CCDC91: variants seen among roughly 807,000 people sequenced by gnomAD.
CCDC91 encodes coiled-coil domain-containing protein 91.
CCDC91 carries 48 observed loss-of-function variants against 63.2 expected under a neutral mutation model. That is an observed-to-expected ratio of 0.76 (90% CI 0.60 to 0.97). CCDC91 has a LOEUF of 0.97. Among genes scored for constraint, CCDC91 ranks in the 50% least tolerant of loss-of-function variants. The probability of loss-of-function intolerance (pLI) is 0.00; values close to 1 mark genes in which losing one functional copy is unlikely to be tolerated. For synonymous variants in CCDC91, 167 were observed against 165.8 expected (o/e 1.01, Z -0.06); for missense variants, 500 against 494.6 (o/e 1.01, Z -0.10).
intron 12 of CCDC91, among the ~76,000 whole-genome samples, chr12:28,514,581 G>T (rs1280169925): frequency 1.3e-5 from 2 of 151,838 alleles, no homozygotes; most frequent in East Asian, 3.9e-4. Context: ...GTCCAGAATG[G>T]TATTGCCTAG....
intron 12 of CCDC91, among the ~76,000 whole-genome samples, chr12:28,523,197 G>T (rs1256918682): frequency 1.3e-5 from 2 of 152,092 alleles, no homozygotes; most frequent in Non-Finnish European, 2.9e-5. Context: ...CATTATTATT[G>T]TGTGGGAGTC....
chr12:28,398,612 A>G (rs543852332), intron 8 of CCDC91, among the ~76,000 whole-genome samples: 2 of 152,280 alleles, frequency 1.3e-5, no homozygotes, highest in Admixed American at 6.5e-5. Context: ...AAGTTTTATT[A>G]TATTTGACAT....
chr12:28,496,960 A>G (rs1258720966), intron 12 of CCDC91, among the ~76,000 whole-genome samples: 2 of 146,696 alleles, frequency 1.4e-5, no homozygotes, highest in Non-Finnish European at 3.0e-5. Context: ...ATATATATAT[A>G]TGTAGGATTT....
At chr12:28,315,728 A>G (rs1207743614) in intron 6 of CCDC91, among the ~76,000 whole-genome samples, 6 of 152,084 alleles carry the variant, frequency 3.9e-5, no homozygotes, top group Admixed American at 3.3e-4. Context: ...TAGTAAATAA[A>G]GATATATAGT....
intron 3 of CCDC91, among the ~76,000 whole-genome samples, chr12:28,271,662 C>T (rs1947774564): frequency 6.6e-6 from 1 of 151,890 alleles, no homozygotes; most frequent in Non-Finnish European, 1.5e-5. Context: ...GTTATGTACT[C>T]TGCTTCTTTT....
intron 11 of CCDC91, among the ~76,000 whole-genome samples, chr12:28,463,028 C>T (rs1416546761): frequency 6.6e-6 from 1 of 152,146 alleles, no homozygotes; most frequent in African/African-American, 2.4e-5. Flanking sequence ...TTCCTATATA[C>T]ATGACATGAG....
Position 28,411,463 on chromosome 12 carries a change from G to A in CCDC91, c.762+20052G>A, listed in dbSNP as rs118126429. ...AAGATTTAACAGATGATTTTATTGT[G>A]AGATATATGCTCCAGATCTATTATG... On this transcript the variant is annotated intron_variant, in intron 8 of 12. Transcript: ENST00000536442. Among the ~76,000 whole-genome samples the A allele has an allele frequency of 5.6e-3, 848 of 152,248 alleles. 26 individuals are homozygous for A. Among genetic ancestry groups the A allele is most frequent in the Admixed American group, 0.044 (671 of 15,284 alleles).
intron 1 of CCDC91, among the ~76,000 whole-genome samples, chr12:28,246,557 G>A (rs185877990): frequency 3.3e-5 from 5 of 152,222 alleles, no homozygotes; most frequent in Non-Finnish European, 7.4e-5. Context: ...TCCCATAGAG[G>A]CATGGATTTG....
intron 12 of CCDC91, among the ~76,000 whole-genome samples, chr12:28,496,721 G>A (rs1317180029): frequency 1.3e-5 from 2 of 151,152 alleles, no homozygotes; most frequent in Admixed American, 6.6e-5. Flanking sequence ...TTGCAGCTTG[G>A]CCACCATAAT....
intron 7 of CCDC91, among the ~76,000 whole-genome samples, chr12:28,389,585 T>C (rs904881505): frequency 1.6e-4 from 24 of 152,088 alleles, no homozygotes; most frequent in African/African-American, 5.6e-4. Context: ...GAATATTATT[T>C]TATTTTATTA....
intron 1 of CCDC91, among the ~76,000 whole-genome samples, chr12:28,237,798 C>T (rs1358472295): frequency 6.6e-6 from 1 of 152,204 alleles, no homozygotes. Context: ...TTTGAAATCA[C>T]TGAAATATTT....
intron 1 of CCDC91, among the ~76,000 whole-genome samples, chr12:28,202,801 C>A (rs11610011): frequency 6.6e-6 from 1 of 152,174 alleles, no homozygotes; most frequent in Non-Finnish European, 1.5e-5. Flanking sequence ...ATCAAAATCC[C>A]CTATTGACAT....
At chr12:28,276,111 G>A (rs916035816) in intron 3 of CCDC91, among the ~76,000 whole-genome samples, 10 of 151,940 alleles carry the variant, frequency 6.6e-5, no homozygotes, top group African/African-American at 2.4e-4. Context: ...TTTTTTCTTA[G>A]ATCCATGACC....
At chr12:28,299,868 A>G (rs1028839981) in intron 3 of CCDC91, among the ~76,000 whole-genome samples, 11 of 150,330 alleles carry the variant, frequency 7.3e-5, no homozygotes, top group African/African-American at 2.4e-4. Context: ...TAGGTTTTAA[A>G]TGTTCTTTAT....
chr12:28,304,725 A>C (rs115756933), intron 3 of CCDC91: 6 of 1,104,766 alleles, frequency 5.4e-6, no homozygotes, highest in Admixed American at 5.0e-5. Flanking sequence ...TTTATAGTTT[A>C]GAAAGTTAAA....
chr12:28,452,599 A>G lies in CCDC91; in HGVS notation c.1046A>G (p.Glu349Gly), dbSNP rs1362865324. The G allele has an allele frequency of 1.9e-6, 3 of 1,580,426 alleles. No individual in the cohort carries two copies. The highest frequency in any genetic ancestry group is 2.6e-6 in the Non-Finnish European group (3 of 1,164,618). Residue 349 changes from glutamate to glycine, a missense_variant, in exon 11 of 13, where the codon GAA becomes GGA. Glu to Gly is a moderately conservative substitution (Grantham distance 98). Transcript: ENST00000536442. ...LWKTEHAKDQ[E>G]KVSQEIQKAI... Reference sequence around the variant, plus strand: ...AAGACAGAACATGCAAAAGATCAAGAAAAAGTATCTCAGGAAATTCAAAAA... The same window carrying G: ...AAGACAGAACATGCAAAAGATCAAGGAAAAGTATCTCAGGAAATTCAAAAA...
intron 3 of CCDC91, among the ~76,000 whole-genome samples, chr12:28,284,111 TTTC>T (rs562399247): frequency 1.8e-4 from 28 of 152,258 alleles, no homozygotes; most frequent in South Asian, 4.2e-4. Context: ...TGATACAGCC[TTTC>T]TTCTTCTTTT....
At chr12:28,377,993 A>G (rs1320273932) in intron 7 of CCDC91, among the ~76,000 whole-genome samples, 1 of 151,966 alleles carries the variant, frequency 6.6e-6, no homozygotes, top group Non-Finnish European at 1.5e-5. Context: ...TATGAAGATA[A>G]TTTTCTGATA....
At chr12:28,251,613 C>T (rs1317785361) in intron 1 of CCDC91, among the ~76,000 whole-genome samples, 1 of 151,940 alleles carries the variant, frequency 6.6e-6, no homozygotes, top group Non-Finnish European at 1.5e-5. Context: ...CTTCTGTGTC[C>T]TCCATGCTTT....
Sources: allele counts gnomAD v4.1 joint callset (sites outside exome capture counted in the v4.1 genomes callset), GRCh38; gene constraint gnomAD v4.1.1; transcripts MANE v1.5; gene names NCBI Gene and HGNC (gene_info 2026-07-23, HGNC 2026-07-21).